ZNF846: variants seen among roughly 807,000 people sequenced by gnomAD.
ZNF846 encodes the protein zinc finger protein 846, also known as zinc finger protein 420 pseudogene.
A neutral mutation model predicts 16.0 loss-of-function variants in ZNF846; 15 were observed. The observed-to-expected ratio is 0.94, with a 90% CI of 0.63 to 1.45. ZNF846 has a LOEUF of 1.45. Ranked by LOEUF, ZNF846 falls within the 40% of genes most tolerant of loss-of-function variation. The pLI, the probability that ZNF846 is intolerant of heterozygous loss-of-function variation, is 0.00. For synonymous variants in ZNF846, 229 were observed against 212.0 expected (o/e 1.08, Z -0.70); for missense variants, 714 against 622.3 (o/e 1.15, Z -1.57).
chr19:9,761,991 G>A (rs1297249325), intron 4 of ZNF846, 91 bp downstream of exon 4: 6 of 1,088,944 alleles, frequency 5.5e-6, no homozygotes, highest in African/African-American at 1.6e-5. Flanking sequence ...AGTATACCCT[G>A]AGAAGTTCGC....
intron 5 of ZNF846, 76 bp from the exon 6 acceptor site, chr19:9,758,840 T>C (rs2045177618): frequency 1.8e-6 from 2 of 1,119,078 alleles, no homozygotes; most frequent in Admixed American, 2.5e-5. Context: ...AATCACAACA[T>C]ATATGCATTG....
At chr19:9,749,263 A>G (rs529735160), downstream of ZNF846, among the ~76,000 whole-genome samples, 42 of 152,120 alleles carry the variant, frequency 2.8e-4, no homozygotes, top group Non-Finnish European at 5.6e-4. Flanking sequence ...ACTTTTTGCA[A>G]CAGGGCTTTA....
At chr19:9,757,754 T>C in exon 6 of ZNF846, 1 of 1,613,488 alleles carries the variant, frequency 6.2e-7, no homozygotes, top group Non-Finnish European at 8.5e-7. Context: ...TGTGAGTTCT[T>C]AAATGGGTAC....
intron 3 of ZNF846, 67 bp from the exon 4 acceptor site, chr19:9,762,235 A>C: frequency 8.0e-7 from 1 of 1,253,572 alleles, no homozygotes; most frequent in Non-Finnish European, 1.2e-6. Context: ...TCAATGGGGA[A>C]CCAATACTTT....
At chr19:9,772,437 T>A (rs2045397160), upstream of ZNF846, among the ~76,000 whole-genome samples, 1 of 151,794 alleles carries the variant, frequency 6.6e-6, no homozygotes, top group Non-Finnish European at 1.5e-5. Context: ...CTGTCTCTAC[T>A]AAAAATACAA....
At chr19:9,760,518 T>C (rs950497604) in intron 4 of ZNF846, among the ~76,000 whole-genome samples, 6 of 150,842 alleles carry the variant, frequency 4.0e-5, no homozygotes, top group Non-Finnish European at 7.4e-5. Flanking sequence ...CCGGCCAACA[T>C]GGTGAAGTGC....
chr19:9,758,653 A>C, exon 6 of ZNF846: 4 of 1,613,100 alleles, frequency 2.5e-6, no homozygotes, highest in Non-Finnish European at 3.4e-6. Context: ...TTATCCTCAG[A>C]AGTTTTCTCT....
At chr19:9,751,754 C>T (rs2045085482), downstream of ZNF846, among the ~76,000 whole-genome samples, 1 of 152,136 alleles carries the variant, frequency 6.6e-6, no homozygotes, top group Admixed American at 6.5e-5. Context: ...TAACATCCTC[C>T]CCACTCTTGA....
At chr19:9,763,569 C>T in intron 2 of ZNF846, 161 bp from the exon 3 acceptor site, 1 of 512,796 alleles carries the variant, frequency 2.0e-6, no homozygotes, top group Non-Finnish European at 3.3e-6. Flanking sequence ...GCATCCAATC[C>T]CATGGACTTA....
chr19:9,757,526 T>C (rs2045150049), exon 6 of ZNF846: 4 of 1,610,968 alleles, frequency 2.5e-6, no homozygotes, highest in Non-Finnish European at 3.4e-6. Context: ...GTGCTGAAGA[T>C]TGAGTGAAGT....
At chr19:9,768,317 G>A (rs2045350413) in exon 1 of ZNF846, 1 of 152,280 alleles carries the variant, frequency 6.6e-6, no homozygotes, top group African/African-American at 2.4e-5. Context: ...CCCTGTCGGT[G>A]ACAAGAGGAC....
At position 9,759,945 on chromosome 19, in the gene ZNF846, G is replaced by A. The variant is rs1445273498; in HGVS notation, c.230-3C>T. 1 of 1,609,958 alleles carries A rather than the reference G, an allele frequency of 6.2e-7. No homozygotes were observed. The stretch of plus-strand genomic sequence containing the variant: ...GGTTTTGAGTTGCAAATCCAATTCT[G>A]AAATAAAGTGAAAAATGCAGCTTGG... On this transcript the variant is annotated splice_polypyrimidine_tract_variant and splice_region_variant and intron_variant, in intron 4 of 5. Transcript: ENST00000397902.
intron 2 of ZNF846, among the ~76,000 whole-genome samples, chr19:9,763,765 T>C (rs904709031): frequency 2.6e-5 from 4 of 152,158 alleles, no homozygotes; most frequent in Non-Finnish European, 5.9e-5. Flanking sequence ...GACATCTCCA[T>C]CCCTTTCTTA....
upstream of ZNF846, among the ~76,000 whole-genome samples, chr19:9,772,147 A>G (rs188338817): frequency 6.6e-6 from 1 of 152,296 alleles, no homozygotes; most frequent in African/African-American, 2.4e-5. Context: ...ACCTTTGTCA[A>G]CCATCATTAG....
chr19:9,771,003 G>A (rs999230174), upstream of ZNF846, among the ~76,000 whole-genome samples: 6 of 152,040 alleles, frequency 3.9e-5, no homozygotes, highest in Admixed American at 3.3e-4. Context: ...GAAACAGGTG[G>A]TTTTGGGTTA....
chr19:9,779,711 C>A (rs958657628), intron 1 of ZNF846, among the ~76,000 whole-genome samples: 8 of 151,898 alleles, frequency 5.3e-5, no homozygotes, highest in African/African-American at 1.9e-4. Context: ...GCTGGGATTA[C>A]AGGTGCCCAC....
chr19:9,756,331 GTGTGTGTGTGTGTGTATATA>G (rs2045134353), downstream of ZNF846: 1 of 66,338 alleles, frequency 1.5e-5, no homozygotes, highest in Non-Finnish European at 2.6e-5. Context: ...ATATATATGT[GTGTGTGTGTGTGTGTATATA>G]TATATATATA....
At chr19:9,763,508 A>G (rs914066145) in intron 2 of ZNF846, 100 bp from the exon 3 acceptor site, 40 of 1,162,916 alleles carry the variant, frequency 3.4e-5, no homozygotes, top group Non-Finnish European at 4.7e-5. Context: ...AGCCTGCAGT[A>G]CTCCCAGGCC....
At chr19:9,756,919 G>A (rs943992779), downstream of ZNF846, 5 of 151,768 alleles carry the variant, frequency 3.3e-5, no homozygotes, top group African/African-American at 1.2e-4. Flanking sequence ...CAATATGCTG[G>A]GTGTGGTGGC....
Sources: gnomAD v4.1 joint callset for allele counts (sites outside exome capture counted in the v4.1 genomes callset) on GRCh38, gnomAD v4.1.1 for gene constraint, MANE v1.5 for transcripts, NCBI Gene and HGNC (gene_info 2026-07-23, HGNC 2026-07-21) for gene names.